The following PCCA variants were observed in gnomAD, a reference collection of about 807,000 sequenced individuals.
PCCA encodes the protein propionyl-CoA carboxylase alpha chain, mitochondrial.
PCCA carries 74 observed loss-of-function variants against 101.3 expected under a neutral mutation model. The ratio of observed to expected loss-of-function variants is 0.73; its 90% CI spans 0.61 to 0.89. PCCA has a LOEUF of 0.89. Ranked by LOEUF, PCCA falls within the 40% of genes least tolerant of loss-of-function variation. The probability of loss-of-function intolerance (pLI) is 0.00; values close to 1 mark genes in which losing one functional copy is unlikely to be tolerated. For synonymous variants in PCCA, 294 were observed against 313.6 expected, an observed-to-expected ratio of 0.94 and a Z score of 0.66; for missense variants, 891 against 907.0, an observed-to-expected ratio of 0.98 and a Z score of 0.23.
At chr13:100,244,086 A>G (rs749310531) in intron 8 of PCCA, among the ~76,000 whole-genome samples, 6 of 152,300 alleles carry the variant, frequency 3.9e-5, no homozygotes, top group Non-Finnish European at 8.8e-5. Context: ...CTTCTTCACA[A>G]TCTTACATCT....
chr13:100,262,423 G>A (rs2062584907), intron 9 of PCCA, among the ~76,000 whole-genome samples: 2 of 151,898 alleles, frequency 1.3e-5, no homozygotes, highest in South Asian at 4.2e-4. Context: ...CTTAGCAGTT[G>A]GTAAAGTATC....
chr13:100,247,912 T>C, intron 8 of PCCA, among the ~76,000 whole-genome samples: 1 of 152,206 alleles, frequency 6.6e-6, no homozygotes, highest in East Asian at 1.9e-4. Flanking sequence ...GTTTAGATAA[T>C]AGGTGTATTA....
At chr13:100,132,782 T>A (rs1312016329) in intron 4 of PCCA, among the ~76,000 whole-genome samples, 6 of 150,424 alleles carry the variant, frequency 4.0e-5, no homozygotes, top group Non-Finnish European at 5.9e-5. Context: ...TTGTCAGTAT[T>A]TTTTTTTTTG....
chr13:100,371,679 T>C (rs1232506440), intron 19 of PCCA, among the ~76,000 whole-genome samples: 1 of 152,218 alleles, frequency 6.6e-6, no homozygotes, highest in Non-Finnish European at 1.5e-5. Flanking sequence ...GTTGCAGATA[T>C]AGACAAATTT....
chr13:100,527,684 G>A lies in PCCA; in HGVS notation c.2050G>A (p.Gly684Ser). ...CATTTTTGTTTTCCAGGTAGCAGAAGGTCAAGAAATTTGTGTGATTGAAGC... is the reference window on the plus strand; with the variant it reads ...CATTTTTGTTTTCCAGGTAGCAGAAAGTCAAGAAATTTGTGTGATTGAAGC... ...SVKPGDAVAE[G>S]QEICVIEAMK... is the part of the protein sequence containing the mutation. Residue 684 changes from glycine (G) to serine (S), a missense_variant, in exon 23 of 24, where the codon GGT (glycine) becomes AGT (serine). Coordinates refer to ENST00000376285, the MANE Select transcript of PCCA (RefSeq NM_000282.4). 6.2e-7 allele frequency: 1 copy of A among 1,613,592 alleles called. No individual in the cohort carries two copies. Among genetic ancestry groups the A allele is most frequent in the Non-Finnish European group, 8.5e-7 (1 of 1,179,472 alleles).
At chr13:100,099,810 T>TA (rs1198017146) in intron 1 of PCCA, among the ~76,000 whole-genome samples, 2 of 152,186 alleles carry the variant, frequency 1.3e-5, no homozygotes, top group African/African-American at 4.8e-5. Flanking sequence ...CATTCTCATT[T>TA]AATCCTCATA....
chr13:100,162,108 G>C (rs61969160), intron 6 of PCCA, among the ~76,000 whole-genome samples: 100 of 133,078 alleles, frequency 7.5e-4, no homozygotes, highest in South Asian at 2.4e-3. Context: ...GTGTGTGTGT[G>C]TGTCTGTCTG....
chr13:100,152,186 T>C (rs539187069), intron 4 of PCCA, among the ~76,000 whole-genome samples: 1 of 152,282 alleles, frequency 6.6e-6, no homozygotes, highest in Non-Finnish European at 1.5e-5. Flanking sequence ...TGTGGGCTTG[T>C]TGAGATGTGA....
chr13:100,519,048 A>G (rs914882040), intron 22 of PCCA, among the ~76,000 whole-genome samples: 2 of 152,234 alleles, frequency 1.3e-5, no homozygotes, highest in Non-Finnish European at 2.9e-5. Flanking sequence ...TCGCTTTGTT[A>G]GCCTTTTGAT....
intron 20 of PCCA, among the ~76,000 whole-genome samples, chr13:100,444,666 C>T (rs1264603987): frequency 6.6e-6 from 1 of 151,998 alleles, no homozygotes; most frequent in South Asian, 2.1e-4. Flanking sequence ...TGGTCTCAAT[C>T]TCCTGACCTG....
intron 7 of PCCA, among the ~76,000 whole-genome samples, chr13:100,221,830 C>T (rs776652422): frequency 6.6e-6 from 1 of 150,384 alleles, no homozygotes; most frequent in Admixed American, 6.6e-5. Flanking sequence ...CTCTGCATCC[C>T]GGGTTCAAGC....
At chr13:100,219,288 T>A (rs2059686133) in intron 7 of PCCA, among the ~76,000 whole-genome samples, 1 of 152,166 alleles carries the variant, frequency 6.6e-6, no homozygotes, top group Non-Finnish European at 1.5e-5. Context: ...GTTGCCTTTT[T>A]GATATCTTCA....
intron 5 of PCCA, among the ~76,000 whole-genome samples, chr13:100,156,857 T>C (rs947114709): frequency 1.3e-5 from 2 of 152,210 alleles, no homozygotes; most frequent in Non-Finnish European, 2.9e-5. Context: ...GAGTTTTTCA[T>C]CCATCTTTGC....
intron 7 of PCCA, among the ~76,000 whole-genome samples, chr13:100,230,477 A>G (rs898884628): frequency 2.0e-5 from 3 of 151,844 alleles, no homozygotes; most frequent in Non-Finnish European, 2.9e-5. Flanking sequence ...CCCAGGAGGC[A>G]AAGGTTGCAG....
chr13:100,138,760 C>CT (rs1438174118), intron 4 of PCCA, among the ~76,000 whole-genome samples: 2 of 151,936 alleles, frequency 1.3e-5, no homozygotes, highest in African/African-American at 4.8e-5. Flanking sequence ...TGGTGAAACT[C>CT]TGTCTCTACC....
chr13:100,423,747 G>C (rs1187418403), intron 19 of PCCA, among the ~76,000 whole-genome samples: 1 of 152,196 alleles, frequency 6.6e-6, no homozygotes, highest in African/African-American at 2.4e-5. Context: ...CAGTCTCTTT[G>C]GGGTAATGTG....
At chr13:100,238,747 G>T (rs2060956494) in intron 8 of PCCA, among the ~76,000 whole-genome samples, 3 of 152,116 alleles carry the variant, frequency 2.0e-5, no homozygotes, top group Non-Finnish European at 4.4e-5. Flanking sequence ...TTTTATTAAA[G>T]TCTGTTGGCT....
intron 4 of PCCA, among the ~76,000 whole-genome samples, chr13:100,117,990 C>G (rs899247837): frequency 1.3e-5 from 2 of 151,814 alleles, no homozygotes; most frequent in African/African-American, 4.8e-5. Flanking sequence ...GTGGCAGGCT[C>G]CTGTGGTCCC....
At chr13:100,255,658 C>T (rs534270962) in intron 8 of PCCA, among the ~76,000 whole-genome samples, 2 of 152,204 alleles carry the variant, frequency 1.3e-5, no homozygotes, top group South Asian at 2.1e-4. Flanking sequence ...TTTTAGATTG[C>T]GCTTTTTCAC....
Sources: gnomAD v4.1 joint callset for allele counts (sites outside exome capture counted in the v4.1 genomes callset) on GRCh38, gnomAD v4.1.1 for gene constraint, MANE v1.5 for transcripts, NCBI Gene and HGNC (gene_info 2026-07-23, HGNC 2026-07-21) for gene names.